The following KCNH1 variants were observed in gnomAD, a reference collection of about 807,000 sequenced individuals.
The protein encoded by KCNH1 is potassium voltage-gated channel subfamily H member 1, also known as voltage-gated delayed rectifier potassium channel KCNH1.
Under a neutral mutation model 69.2 loss-of-function variants are expected in KCNH1, and 27 were observed. That is an observed-to-expected ratio of 0.39 (90% CI 0.29 to 0.54). The LOEUF (loss-of-function observed/expected upper bound fraction) is 0.54, where lower values mean the gene tolerates loss of function less well. Ranked by LOEUF, KCNH1 falls within the 20% of genes least tolerant of loss-of-function variation. KCNH1 has a pLI of 0.68. For synonymous variants in KCNH1, 456 were observed against 487.7 expected (o/e 0.93, Z 0.86); for missense variants, 798 against 1,261.6 (o/e 0.63, Z 5.57).
chr1:210,954,208 G>A (rs1042288122), intron 6 of KCNH1, among the ~76,000 whole-genome samples: 1 of 151,982 alleles, frequency 6.6e-6, no homozygotes, highest in African/African-American at 2.4e-5. Context: ...TTCCAGCATC[G>A]TCCATGTCCC....
At chr1:210,988,962 G>A (rs1052801083) in intron 6 of KCNH1, among the ~76,000 whole-genome samples, 6 of 152,178 alleles carry the variant, frequency 3.9e-5, no homozygotes, top group Non-Finnish European at 5.9e-5. Flanking sequence ...AAACTGACAT[G>A]CTTATAATAG....
intron 10 of KCNH1, among the ~76,000 whole-genome samples, chr1:210,696,368 G>C (rs1574188218): frequency 2.0e-5 from 3 of 152,116 alleles, no homozygotes; most frequent in African/African-American, 7.2e-5. Flanking sequence ...TAATCCCTGG[G>C]TGTCCTCAGC....
intron 4 of KCNH1, among the ~76,000 whole-genome samples, chr1:211,086,976 G>T (rs74156896): frequency 6.6e-6 from 1 of 152,036 alleles, no homozygotes; most frequent in African/African-American, 2.4e-5. Context: ...AATGTATAAA[G>T]AACCAAAAAT....
chr1:210,912,626 T>C (rs1687257709), intron 7 of KCNH1, among the ~76,000 whole-genome samples: 1 of 152,196 alleles, frequency 6.6e-6, no homozygotes, highest in Non-Finnish European at 1.5e-5. Context: ...AGAGTTATCA[T>C]TGTTTAAACA....
At chr1:211,015,095 T>G (rs1273793635) in intron 6 of KCNH1, among the ~76,000 whole-genome samples, 1 of 152,164 alleles carries the variant, frequency 6.6e-6, no homozygotes, top group Non-Finnish European at 1.5e-5. Flanking sequence ...GTCTGTCCCT[T>G]GGCAAGCATC....
At chr1:210,697,434 A>C (rs1681668921) in intron 10 of KCNH1, among the ~76,000 whole-genome samples, 1 of 152,198 alleles carries the variant, frequency 6.6e-6, no homozygotes, top group African/African-American at 2.4e-5. Flanking sequence ...CTGGGGGTTG[A>C]GAGTTCAACT....
At chr1:210,952,414 T>A (rs181234022) in intron 6 of KCNH1, among the ~76,000 whole-genome samples, 1 of 152,218 alleles carries the variant, frequency 6.6e-6, no homozygotes, top group African/African-American at 2.4e-5. Context: ...GTCCTTACTA[T>A]GTGCAGGTGC....
chr1:211,045,064 A>ATATATAT (rs1490472380), intron 5 of KCNH1, among the ~76,000 whole-genome samples: 7 of 128,198 alleles, frequency 5.5e-5, no homozygotes, highest in East Asian at 2.1e-4. Context: ...ATATATGAAT[A>ATATATAT]ATAGAATAGT....
At chr1:210,846,195 C>A (rs534890533) in intron 7 of KCNH1, among the ~76,000 whole-genome samples, 18 of 152,272 alleles carry the variant, frequency 1.2e-4, no homozygotes, top group Non-Finnish European at 2.2e-4. Flanking sequence ...CATCAAGCTA[C>A]CAATGACTTT....
chr1:211,100,224 C>T (rs1360501051), intron 3 of KCNH1, among the ~76,000 whole-genome samples: 1 of 152,044 alleles, frequency 6.6e-6, no homozygotes, highest in Admixed American at 6.5e-5. Context: ...TCCCTCAACA[C>T]CCCTCACCTC....
chr1:210,823,833 G>T (rs955602576), intron 7 of KCNH1, among the ~76,000 whole-genome samples: 1 of 152,118 alleles, frequency 6.6e-6, no homozygotes, highest in Non-Finnish European at 1.5e-5. Context: ...CTTTATTACT[G>T]TACTGGCCCT....
intron 10 of KCNH1, among the ~76,000 whole-genome samples, chr1:210,741,711 G>A (rs1419399516): frequency 6.6e-6 from 1 of 152,152 alleles, no homozygotes; most frequent in Non-Finnish European, 1.5e-5. Context: ...TGAGGCCTGC[G>A]AGCGTTCTGT....
intron 6 of KCNH1, among the ~76,000 whole-genome samples, chr1:210,920,496 G>C (rs1176437666): frequency 6.6e-6 from 1 of 151,856 alleles, no homozygotes; most frequent in Non-Finnish European, 1.5e-5. Context: ...AAATTATATT[G>C]TGCATAAGTA....
chr1:210,756,282 C>T (rs539811810), intron 10 of KCNH1, among the ~76,000 whole-genome samples: 20 of 152,332 alleles, frequency 1.3e-4, no homozygotes, highest in African/African-American at 3.6e-4. Context: ...GATGCAGTAT[C>T]ACTTTACCAA....
chr1:210,746,182 C>T (rs890502816), intron 10 of KCNH1, among the ~76,000 whole-genome samples: 1 of 152,060 alleles, frequency 6.6e-6, no homozygotes, highest in Non-Finnish European at 1.5e-5. Context: ...TTCTTTTTTC[C>T]CTTCTTACTC....
At chr1:211,074,019 G>T (rs532227094) in intron 5 of KCNH1, among the ~76,000 whole-genome samples, 3 of 149,280 alleles carry the variant, frequency 2.0e-5, no homozygotes, top group East Asian at 3.9e-4. Context: ...CCTTATATTG[G>T]CAATCAATGA....
chr1:210,856,319 G>A (rs1574298811), intron 7 of KCNH1, among the ~76,000 whole-genome samples: 1 of 152,206 alleles, frequency 6.6e-6, no homozygotes, highest in African/African-American at 2.4e-5. Context: ...ACCAGAAACA[G>A]CCCCTGGAAA....
In KCNH1 at chr1:210,717,164, A is replaced by G. The variant is rs148301155; in HGVS notation, c.2113-33026T>C. ...AGAAAAAGCTGCCCTTATTTGCCAAACTTGTGTTTCCCTGAGGGATTTTGA... is the reference window on the plus strand; with the variant it reads ...AGAAAAAGCTGCCCTTATTTGCCAAGCTTGTGTTTCCCTGAGGGATTTTGA... On this transcript the variant is annotated intron_variant, in intron 10 of 10. Coordinates refer to ENST00000271751, the MANE Select transcript of KCNH1 (RefSeq NM_172362.3). Among the ~76,000 whole-genome samples the G allele has an allele frequency of 1.4e-4, 22 of 152,218 alleles. No individual in the cohort carries two copies. In the East Asian group the frequency reaches 3.5e-3, roughly 24 times the overall value.
chr1:211,073,861 A>G (rs963424855), intron 5 of KCNH1, among the ~76,000 whole-genome samples: 4 of 152,052 alleles, frequency 2.6e-5, no homozygotes, highest in African/African-American at 9.7e-5. Context: ...ATTGGAGCAG[A>G]AAGCAATGAA....
Sources: gnomAD v4.1 joint callset for allele counts (sites outside exome capture counted in the v4.1 genomes callset) on GRCh38, gnomAD v4.1.1 for gene constraint, MANE v1.5 for transcripts, NCBI Gene and HGNC (gene_info 2026-07-23, HGNC 2026-07-21) for gene names.